The following EFS variants were observed in gnomAD, a reference collection of about 807,000 sequenced individuals.
The protein encoded by EFS is embryonal Fyn-associated substrate, also known as Cas scaffolding protein family member 3.
Under a neutral mutation model 42.2 loss-of-function variants are expected in EFS, and 34 were observed. The observed-to-expected ratio is 0.81, with a 90% CI of 0.61 to 1.07. EFS has a LOEUF of 1.07. EFS is among the 50% of genes least tolerant of loss of function. The pLI, the probability that EFS is intolerant of heterozygous loss-of-function variation, is 0.00. For synonymous variants in EFS, 299 were observed against 320.7 expected (o/e 0.93, Z 0.72); for missense variants, 717 against 729.4 (o/e 0.98, Z 0.20).
At position 23,359,586 on chromosome 14, in the gene EFS, A is replaced by C; in HGVS notation, c.892T>G (p.Ser298Ala). Residue 298 changes from serine to alanine, a missense_variant, in exon 4 of 6, where the codon TCA becomes GCA. Coordinates refer to ENST00000216733, the MANE Select transcript of EFS (RefSeq NM_005864.4). ...PPPPHRPRLP[S>A]AESLSRRPLP... ...GGGCGGCGGGACAGGCTCTCAGCTG[A>C]GGGGAGCCGGGGCCTGTGTGGGGGT... The C allele has an allele frequency of 3.1e-6, 3 of 967,054 alleles. No individual in the cohort carries two copies. Among genetic ancestry groups the C allele is most frequent in the Non-Finnish European group, 3.7e-6 (3 of 808,728 alleles). 59.9% of individuals were successfully genotyped at this position (967,054 alleles called of 1,614,324 possible).
At chr14:23,361,625 T>C (rs11623596) in intron 1 of EFS, among the ~76,000 whole-genome samples, 1 of 152,098 alleles carries the variant, frequency 6.6e-6, no homozygotes, top group Non-Finnish European at 1.5e-5. Flanking sequence ...TTTGTGTGTG[T>C]GTGTGAAGGG....
rs905362305 is a variant in EFS at position 23,357,643 on chromosome 14, C to T, written c.1269G>A (p.Gly423=). 4 of 1,536,646 alleles carry T rather than the reference C, an allele frequency of 2.6e-6. No individual in the cohort carries two copies. In the South Asian group the frequency reaches 3.8e-5, roughly 15 times the overall value. The change falls in exon 6 of 6, where the codon GGG becomes GGA. Residue 423 remains glycine, a synonymous_variant. Transcript: ENST00000216733. The part of the protein sequence containing the change: ...MPAPQEALSP[G]EPLVVSTGDL... ...CTCCGGTGGACACAACCAGTGGCTC[C>T]CCTGGGGACAGGGCCTCCTGAAGGG...
chr14:23,359,666 G>C lies in EFS; in HGVS notation c.812C>G (p.Ala271Gly). 2 of 1,508,836 alleles carry C rather than the reference G, an allele frequency of 1.3e-6. No individual in the cohort carries two copies. The highest frequency in any genetic ancestry group is 1.8e-6 in the Non-Finnish European group (2 of 1,130,812). 93.5% of individuals were successfully genotyped at this position (1,508,836 alleles called of 1,614,324 possible). The change falls in exon 4 of 6, where the codon GCC becomes GGC. Residue 271 changes from alanine (A) to glycine (G), a missense_variant. Physicochemically the swap from Ala to Gly is moderately conservative, Grantham distance 60. Coordinates refer to ENST00000216733, the MANE Select transcript of EFS (RefSeq NM_005864.4). ...GGTGTCCTGGTCATGGGAGGCCAAGGCTCCAGGGGGCTCTGGAGAAGGGGG... is the reference window on the plus strand; with the variant it reads ...GGTGTCCTGGTCATGGGAGGCCAAGCCTCCAGGGGGCTCTGGAGAAGGGGG... The part of the protein sequence containing the change: ...EAPPSPEPPG[A>G]LASHDQDTLA...
At chr14:23,359,247 C>T in intron 4 of EFS, 70 bp downstream of exon 4, 2 of 1,606,042 alleles carry the variant, frequency 1.2e-6, no homozygotes, top group Admixed American at 1.7e-5. Context: ...CCTCTGTGCC[C>T]TAGGTCTCCA....
rs916401512 is a variant in EFS, at chr14:23,359,335, A to G, written c.1143T>C (p.Tyr381=). The G allele has an allele frequency of 6.2e-7, 1 of 1,613,046 alleles. No homozygotes were observed. Among genetic ancestry groups the G allele is most frequent in the Admixed American group, 1.7e-5 (1 of 60,006 alleles). Residue 381 remains tyrosine, a synonymous_variant, in exon 4 of 6, where the codon TAT becomes TAC. Transcript: ENST00000216733. ...EYEGIPMAEE[Y]DYVHLKGMDK... is the part of the protein sequence containing the mutation. Reference sequence around the variant, plus strand: ...CGCTCACCTTCAGGTGGACATAGTCATACTCCTCGGCCATCGGAATGCCCT... The same window carrying G: ...CGCTCACCTTCAGGTGGACATAGTCGTACTCCTCGGCCATCGGAATGCCCT...
Position 23,357,624 on chromosome 14 carries a change from T to A in EFS, c.1288A>T (p.Thr430Ser). 1 of 1,556,928 alleles carries A rather than the reference T, an allele frequency of 6.4e-7. No homozygotes were observed. Among genetic ancestry groups the A allele is most frequent in the Non-Finnish European group, 8.7e-7 (1 of 1,144,564 alleles). The change falls in exon 6 of 6, where the codon ACC becomes TCC. Residue 430 changes from threonine (T) to serine (S), a missense_variant. Transcript: ENST00000216733. ...AAGTACAGGAGCTGCAGATCTCCGG[T>A]GGACACAACCAGTGGCTCCCCTGGG... is the stretch of plus-strand genomic sequence containing the variant. ...LSPGEPLVVS[T>S]GDLQLLYFYA... is the part of the protein sequence containing the mutation.
chr14:23,362,130 G>A (rs1311587113), intron 1 of EFS, among the ~76,000 whole-genome samples: 3 of 152,162 alleles, frequency 2.0e-5, no homozygotes, highest in Admixed American at 6.5e-5. Context: ...ATAACCCTTC[G>A]CAGTGCTCTT....
rs1890279589 is a variant in EFS, at chr14:23,365,118, C to T, written c.-93G>A. Reference sequence around the variant, plus strand: ...CCGCACCATGGTCCGCGGCCTCTAGCCCCCAGCTGTGGCGCCTGAGTCGTG... The same window carrying T: ...CCGCACCATGGTCCGCGGCCTCTAGTCCCCAGCTGTGGCGCCTGAGTCGTG... On this transcript the variant is annotated 5_prime_UTR_variant, in exon 1 of 6. Coordinates refer to ENST00000216733, the MANE Select transcript of EFS (RefSeq NM_005864.4). The surrounding 1 kb of genome is among the most constrained non-coding windows in gnomAD (Gnocchi z 5.3). 1.7e-6 allele frequency: 2 copies of T among 1,181,234 alleles called. No homozygotes were observed. The highest frequency in any genetic ancestry group is 4.2e-5 in the Admixed American group (1 of 23,770). 73.2% of individuals were successfully genotyped at this position (1,181,234 alleles called of 1,614,324 possible). A position where few individuals can be genotyped will look rare whatever the true frequency, so the allele number is the denominator to read the frequency against.
At chr14:23,361,752 C>G (rs1299152210) in intron 1 of EFS, among the ~76,000 whole-genome samples, 1 of 152,200 alleles carries the variant, frequency 6.6e-6, no homozygotes, top group East Asian at 1.9e-4. Flanking sequence ...TCACAGGTAC[C>G]AAGTGCAAAC....
chr14:23,363,864 G>A (rs1482136110), intron 1 of EFS, among the ~76,000 whole-genome samples: 1 of 151,864 alleles, frequency 6.6e-6, no homozygotes, highest in Non-Finnish European at 1.5e-5. Flanking sequence ...AGCCCAGGAG[G>A]TCGAGGCTGC....
At chr14:23,358,742 C>T in intron 5 of EFS, 134 bp downstream of exon 5, 1 of 734,586 alleles carries the variant, frequency 1.4e-6, no homozygotes, top group Non-Finnish European at 2.1e-6. Context: ...TGCCTCCGCT[C>T]TGTCCCTGGT....
Position 23,359,604 on chromosome 14 carries a change from G to C in EFS, c.874C>G (p.His292Asp), listed in dbSNP as rs1890053866. The C allele has an allele frequency of 1.3e-6, 2 of 1,494,484 alleles. No homozygotes were observed. The highest frequency in any genetic ancestry group is 2.4e-5 in the Admixed American group (1 of 40,922). 92.6% of individuals were successfully genotyped at this position (1,494,484 alleles called of 1,614,324 possible). ...TCAGCTGAGGGGAGCCGGGGCCTGT[G>C]TGGGGGTGGGGGGCTTCTGGCCAGA... is the stretch of plus-strand genomic sequence containing the variant. ...QLLARSPPPP[H>D]RPRLPSAESL... The change falls in exon 4 of 6, where the codon CAC (histidine) becomes GAC (aspartate). Residue 292 changes from histidine (H) to aspartate (D), a missense_variant. Transcript: ENST00000216733.
rs1054180786 is a variant in EFS at position 23,356,989 on chromosome 14, C to A, written c.*237G>T. The A allele has an allele frequency of 8.1e-5, 28 of 347,820 alleles. No homozygotes were observed. The East Asian group carries it at 1.2e-3, about 15-fold the overall frequency. The allele number at this position is 347,820 out of a possible 1,614,324, so 21.5% of individuals were successfully genotyped here. ...ACTGCCCCAGAGCCTAGTACCTGCT[C>A]CTGACAAAGCAGGGAATAATATTAA... On this transcript the variant is annotated 3_prime_UTR_variant, in exon 6 of 6. Coordinates refer to ENST00000216733, the MANE Select transcript of EFS (RefSeq NM_005864.4).
rs1169635442 is a variant in EFS, at chr14:23,357,154, C to G, written c.*72G>C. ...CATTTCTCCTAGTCCCTTAACAAAG[C>G]CTTCCAGCCACCCAAGGCCTAAAGG... On this transcript the variant is annotated 3_prime_UTR_variant, in exon 6 of 6. Coordinates refer to ENST00000216733, the MANE Select transcript of EFS (RefSeq NM_005864.4). The G allele has an allele frequency of 7.1e-7, 1 of 1,417,720 alleles. No individual in the cohort carries two copies. Among genetic ancestry groups the G allele is most frequent in the South Asian group, 1.6e-5 (1 of 61,966 alleles). 87.8% of individuals were successfully genotyped at this position (1,417,720 alleles called of 1,614,324 possible).
At chr14:23,359,041 TC>T (rs34060515) in intron 4 of EFS, 76 bp from the exon 5 acceptor site, 163,894 of 1,348,944 alleles carry the variant, frequency 0.12, 11,755 homozygotes, top group African/African-American at 0.26. Context: ...TTCTGCCCCT[TC>T]CCCGGACCCC....
In EFS at chr14:23,359,317, C is replaced by T. The variant is rs1170862759; in HGVS notation, c.1161G>A (p.Lys387=). 3.1e-6 allele frequency: 5 copies of T among 1,612,862 alleles called. No individual in the cohort carries two copies. The highest frequency in any genetic ancestry group is 4.2e-6 in the Non-Finnish European group (5 of 1,179,982). The part of the protein sequence containing the change: ...MAEEYDYVHL[K]GMDKAQGSRP... ...GGTGGGGCTGCCAAGGGGCGCTCAC[C>T]TTCAGGTGGACATAGTCATACTCCT... The change falls in exon 4 of 6, where the codon AAG becomes AAA. Residue 387 remains lysine (K), a splice_region_variant and synonymous_variant. Transcript: ENST00000216733.
At position 23,357,115 on chromosome 14, in the gene EFS, G is replaced by T; in HGVS notation, c.*111C>A. The T allele has an allele frequency of 1.9e-6, 2 of 1,077,840 alleles. No individual in the cohort carries two copies. Among genetic ancestry groups the T allele is most frequent in the Non-Finnish European group, 2.6e-6 (2 of 774,810 alleles). 66.8% of individuals were successfully genotyped at this position (1,077,840 alleles called of 1,614,324 possible). On this transcript the variant is annotated 3_prime_UTR_variant, in exon 6 of 6. Transcript: ENST00000216733. ...GAGATGAGCAGAAAGGGCAGGAAAG[G>T]GGAAAGATACCCCCATTTCTCCTAG...
intron 1 of EFS, among the ~76,000 whole-genome samples, chr14:23,363,779 A>G (rs1338701888): frequency 1.3e-5 from 2 of 152,094 alleles, no homozygotes; most frequent in Admixed American, 6.6e-5. Flanking sequence ...CTCTACAAAA[A>G]ATACAAAAAG....
At chr14:23,364,794 G>A (rs1055147252) in intron 1 of EFS, among the ~76,000 whole-genome samples, 1 of 152,074 alleles carries the variant, frequency 6.6e-6, no homozygotes, top group Non-Finnish European at 1.5e-5. Flanking sequence ...ATGGGGAGGG[G>A]GCGGGGAAGA....
Sources: allele counts gnomAD v4.1 joint callset (sites outside exome capture counted in the v4.1 genomes callset), GRCh38; gene constraint gnomAD v4.1.1; non-coding constraint Gnocchi (gnomAD v3.1); transcripts MANE v1.5; gene names NCBI Gene and HGNC (gene_info 2026-07-23, HGNC 2026-07-21).